NKAIN3: variants seen among roughly 807,000 people sequenced by gnomAD.
NKAIN3 encodes the protein sodium/potassium-transporting ATPase subunit beta-1-interacting protein 3.
A neutral mutation model predicts 30.2 loss-of-function variants in NKAIN3; 25 were observed. The ratio of observed to expected loss-of-function variants is 0.83; its 90% CI spans 0.60 to 1.16. The LOEUF is 1.16. Among genes scored for constraint, NKAIN3 ranks in the 50% most tolerant of loss-of-function variants. The pLI, the probability that NKAIN3 is intolerant of heterozygous loss-of-function variation, is 0.00. For missense variants in NKAIN3, 225 were observed against 254.1 expected, an observed-to-expected ratio of 0.89 and a Z score of 0.78; for synonymous variants, 91 against 89.6, an observed-to-expected ratio of 1.02 and a Z score of -0.09.
chr8:62,625,949 CA>C (rs55634777), intron 3 of NKAIN3, among the ~76,000 whole-genome samples: 11 of 151,528 alleles, frequency 7.3e-5, no homozygotes, highest in Non-Finnish European at 1.0e-4. Flanking sequence ...ACATAATTGA[CA>C]AAAAAAATCA....
chr8:62,683,045 G>GT (rs1813691910), intron 3 of NKAIN3, among the ~76,000 whole-genome samples: 1 of 151,914 alleles, frequency 6.6e-6, no homozygotes, highest in Non-Finnish European at 1.5e-5. Context: ...TTGTTTGTTT[G>GT]TTTTTTGAGA....
At position 62,903,940 on chromosome 8, in the gene NKAIN3, C is replaced by T. The variant is rs564857019; in HGVS notation, c.472-14513C>T. On this transcript the variant is annotated intron_variant, in intron 4 of 6. Transcript: ENST00000623646. ...AACCACCCCCATGATTCAATTATCT[C>T]TACCTGGTCCCACCTTTGACACATG... 3.3e-5 allele frequency among the ~76,000 whole-genome samples: 5 copies of T among 152,146 alleles called. No homozygotes were observed. In the South Asian group the frequency reaches 6.2e-4, roughly 19 times the overall value.
At chr8:62,376,076 A>G (rs1159523658) in intron 1 of NKAIN3, among the ~76,000 whole-genome samples, 1 of 152,158 alleles carries the variant, frequency 6.6e-6, no homozygotes, top group Admixed American at 6.6e-5. Context: ...AAAATGTAAA[A>G]TGTTGAACTG....
At chr8:62,273,782 A>T (rs910353979) in intron 1 of NKAIN3, among the ~76,000 whole-genome samples, 1 of 152,218 alleles carries the variant, frequency 6.6e-6, no homozygotes, top group Non-Finnish European at 1.5e-5. Flanking sequence ...ATGTTTACCC[A>T]AATGGGGCTT....
chr8:62,250,612 C>A (rs899271270), intron 1 of NKAIN3, among the ~76,000 whole-genome samples: 1 of 152,276 alleles, frequency 6.6e-6, no homozygotes, highest in Non-Finnish European at 1.5e-5. Flanking sequence ...TGCTGGATTG[C>A]ATAATCTATA....
intron 4 of NKAIN3, among the ~76,000 whole-genome samples, chr8:62,812,424 T>C (rs1213651111): frequency 6.6e-6 from 1 of 151,824 alleles, no homozygotes; most frequent in African/African-American, 2.4e-5. Flanking sequence ...TGGGGGAAAA[T>C]GATATCTTTA....
chr8:62,647,958 G>A lies in NKAIN3; in HGVS notation c.273+58164G>A, dbSNP rs56055262. Among the ~76,000 whole-genome samples, 1,433 of 152,212 alleles carry A rather than the reference G, an allele frequency of 9.4e-3. 16 individuals are homozygous for A. Among genetic ancestry groups the A allele is most frequent in the African/African-American group, 0.032 (1,327 of 41,546 alleles). ...TGGAGATGGAAAGAACTTGATGCAG[G>A]TGGGGTGGATTTAGAGGTAATATCG... On this transcript the variant is annotated intron_variant, in intron 3 of 6. Transcript: ENST00000623646.
At chr8:62,513,343 C>T (rs533838099) in intron 1 of NKAIN3, among the ~76,000 whole-genome samples, 1 of 151,560 alleles carries the variant, frequency 6.6e-6, no homozygotes, top group Admixed American at 6.6e-5. Context: ...CCAGTTGCTG[C>T]TCTCTCAGAG....
At chr8:62,761,551 G>C (rs767197921) in intron 4 of NKAIN3, among the ~76,000 whole-genome samples, 9 of 152,298 alleles carry the variant, frequency 5.9e-5, no homozygotes, top group Middle Eastern at 3.4e-3. Flanking sequence ...TTGGTCAGAT[G>C]AATGGATCTC....
At chr8:62,413,590 G>A (rs1321054591) in intron 1 of NKAIN3, among the ~76,000 whole-genome samples, 1 of 152,038 alleles carries the variant, frequency 6.6e-6, no homozygotes, top group East Asian at 1.9e-4. Context: ...AATAAATAGA[G>A]GCTAATGTCA....
chr8:62,430,418 T>C (rs1016647732), intron 1 of NKAIN3, among the ~76,000 whole-genome samples: 6 of 149,824 alleles, frequency 4.0e-5, no homozygotes, highest in African/African-American at 1.5e-4. Context: ...GATGGGTGTG[T>C]ATTTGAGACC....
intron 3 of NKAIN3, among the ~76,000 whole-genome samples, chr8:62,595,639 C>T (rs572223405): frequency 6.6e-6 from 1 of 151,944 alleles, no homozygotes; most frequent in African/African-American, 2.4e-5. Context: ...AGTTGCAAGC[C>T]CCGTTTTTAA....
At chr8:62,659,152 C>T (rs578020012) in intron 3 of NKAIN3, among the ~76,000 whole-genome samples, 8 of 152,320 alleles carry the variant, frequency 5.3e-5, no homozygotes, top group Admixed American at 3.3e-4. Context: ...GTACCACAGT[C>T]GAGAGGTAAC....
chr8:62,664,406 C>G (rs2086379), intron 3 of NKAIN3, among the ~76,000 whole-genome samples: 72,619 of 151,486 alleles, frequency 0.48, 20,392 homozygotes, highest in African/African-American at 0.78. Context: ...AAACCGTCTA[C>G]CTCCCTGTCC....
intron 1 of NKAIN3, among the ~76,000 whole-genome samples, chr8:62,411,334 T>A (rs1458237300): frequency 6.6e-6 from 1 of 152,224 alleles, no homozygotes; most frequent in Non-Finnish European, 1.5e-5. Context: ...AAACAGCTTT[T>A]GATAAAATCC....
chr8:62,503,108 G>A (rs1445842128), intron 1 of NKAIN3, among the ~76,000 whole-genome samples: 2 of 152,086 alleles, frequency 1.3e-5, no homozygotes, highest in African/African-American at 4.8e-5. Flanking sequence ...CTTATCGGGG[G>A]AACCCACTCC....
At chr8:62,882,767 T>C (rs1348489398) in intron 4 of NKAIN3, among the ~76,000 whole-genome samples, 1 of 152,212 alleles carries the variant, frequency 6.6e-6, no homozygotes, top group Non-Finnish European at 1.5e-5. Flanking sequence ...TATTTTTGCA[T>C]ATGGATGTCC....
chr8:62,736,466 C>T (rs1382224424), intron 3 of NKAIN3, among the ~76,000 whole-genome samples: 2 of 152,130 alleles, frequency 1.3e-5, no homozygotes, highest in Non-Finnish European at 2.9e-5. Flanking sequence ...TGGGCAAAAG[C>T]CAGCAGTGAC....
chr8:62,850,274 G>T (rs1348337838), intron 4 of NKAIN3, among the ~76,000 whole-genome samples: 2 of 151,928 alleles, frequency 1.3e-5, no homozygotes, highest in African/African-American at 2.4e-5. Flanking sequence ...TGTCTGTTCA[G>T]GTCCTTCACC....
Sources: gnomAD v4.1 joint callset for allele counts (sites outside exome capture counted in the v4.1 genomes callset) on GRCh38, gnomAD v4.1.1 for gene constraint, MANE v1.5 for transcripts, NCBI Gene and HGNC (gene_info 2026-07-23, HGNC 2026-07-21) for gene names.